Variants in DLG2 observed in about 807,000 individuals in gnomAD.
DLG2 encodes disks large homolog 2.
A neutral mutation model predicts 132.5 loss-of-function variants in DLG2; 45 were observed. The ratio of observed to expected loss-of-function variants is 0.34; its 90% confidence interval spans 0.27 to 0.44. The LOEUF is 0.44. Ranked by LOEUF, DLG2 falls within the 20% of genes least tolerant of loss-of-function variation. DLG2 has a pLI of 1.00. For synonymous variants in DLG2, 424 were observed against 419.6 expected (o/e 1.01, Z -0.13); for missense variants, 1,045 against 1,196.9 (o/e 0.87, Z 1.87).
At chr11:83,784,120 G>C (rs1363970779) in intron 18 of DLG2, among the ~76,000 whole-genome samples, 2 of 152,126 alleles carry the variant, frequency 1.3e-5, no homozygotes, top group African/African-American at 2.4e-5. Flanking sequence ...CATACTAAAA[G>C]TATGCCAATA....
At chr11:85,506,249 T>G (rs939206944) in intron 3 of DLG2, among the ~76,000 whole-genome samples, 3 of 152,232 alleles carry the variant, frequency 2.0e-5, no homozygotes, top group African/African-American at 7.2e-5. Context: ...ATTTCTTGGC[T>G]TCTGCTAGCT....
At chr11:84,410,606 G>C (rs2098896065) in intron 7 of DLG2, among the ~76,000 whole-genome samples, 1 of 100,448 alleles carries the variant, frequency 1.0e-5, no homozygotes, top group Admixed American at 1.2e-4. Flanking sequence ...TTGAGATGAA[G>C]TTTCGCTTTT....
At chr11:84,860,870 A>AG (rs945445371) in intron 6 of DLG2, among the ~76,000 whole-genome samples, 1 of 151,894 alleles carries the variant, frequency 6.6e-6, no homozygotes, top group South Asian at 2.1e-4. Flanking sequence ...CATGAAAGGA[A>AG]GGGGGGAGGG....
At chr11:85,417,842 A>T (rs931019936) in intron 3 of DLG2, among the ~76,000 whole-genome samples, 2 of 151,806 alleles carry the variant, frequency 1.3e-5, no homozygotes, top group African/African-American at 4.8e-5. Context: ...TTTCTTCTTT[A>T]TTAGTCTGGC....
At chr11:85,511,850 C>G (rs994730249) in intron 3 of DLG2, among the ~76,000 whole-genome samples, 18 of 151,856 alleles carry the variant, frequency 1.2e-4, no homozygotes, top group Admixed American at 9.2e-4. Context: ...TCCCAAATAG[C>G]TAGGACCACA....
At chr11:84,693,944 T>A (rs575967359) in intron 6 of DLG2, among the ~76,000 whole-genome samples, 3 of 151,780 alleles carry the variant, frequency 2.0e-5, no homozygotes, top group South Asian at 2.1e-4. Context: ...CTCCTCTCTA[T>A]GGGTTTTTTG....
chr11:84,409,161 GATTCTGCTCTGAGTGCTTCTCT>G (rs768102785), intron 7 of DLG2, among the ~76,000 whole-genome samples: 2 of 152,152 alleles, frequency 1.3e-5, no homozygotes, highest in Non-Finnish European at 2.9e-5. Context: ...ATATCACCAT[GATTCTGCTCTGAGTGCTTCTCT>G]ATTCTGCTCT....
chr11:83,776,569 C>T (rs2094590528), intron 18 of DLG2, among the ~76,000 whole-genome samples: 1 of 152,224 alleles, frequency 6.6e-6, no homozygotes, highest in Non-Finnish European at 1.5e-5. Flanking sequence ...TTGCCAGCCT[C>T]AGGCCTAAAA....
At chr11:84,577,788 C>T (rs1352553141) in intron 6 of DLG2, among the ~76,000 whole-genome samples, 1 of 152,058 alleles carries the variant, frequency 6.6e-6, no homozygotes, top group Non-Finnish European at 1.5e-5. Flanking sequence ...TATGCAGGAC[C>T]CTAATGTTAA....
chr11:83,951,518 G>A (rs541019187), intron 14 of DLG2, among the ~76,000 whole-genome samples: 9 of 152,264 alleles, frequency 5.9e-5, no homozygotes, highest in African/African-American at 2.2e-4. Flanking sequence ...CTGATAAAAT[G>A]GCTTTTGACC....
At chr11:83,715,309 T>C (rs1356821719) in intron 18 of DLG2, among the ~76,000 whole-genome samples, 1 of 152,362 alleles carries the variant, frequency 6.6e-6, no homozygotes, top group South Asian at 2.1e-4. Flanking sequence ...TAGATTGCAC[T>C]GTGAATAATT....
chr11:84,398,744 T>C (rs1366119484), intron 7 of DLG2, among the ~76,000 whole-genome samples: 1 of 151,006 alleles, frequency 6.6e-6, no homozygotes, highest in Non-Finnish European at 1.5e-5. Flanking sequence ...GAGTTGGTGA[T>C]GGGTTTACAC....
chr11:84,949,955 A>C (rs1297941783), intron 6 of DLG2, among the ~76,000 whole-genome samples: 1 of 152,230 alleles, frequency 6.6e-6, no homozygotes, highest in East Asian at 1.9e-4. Context: ...ACTGCAGTAA[A>C]GACGGGCATA....
At chr11:83,760,504 G>T (rs1414880041) in intron 18 of DLG2, among the ~76,000 whole-genome samples, 2 of 150,556 alleles carry the variant, frequency 1.3e-5, no homozygotes, top group Non-Finnish European at 3.0e-5. Flanking sequence ...ACAGGTGCCT[G>T]CCACCACGCC....
intron 7 of DLG2, among the ~76,000 whole-genome samples, chr11:84,392,003 T>C (rs1016249179): frequency 2.6e-5 from 4 of 152,206 alleles, no homozygotes; most frequent in African/African-American, 9.6e-5. Flanking sequence ...GAATCTCAGC[T>C]TTCTTATCTA....
chr11:85,502,989 T>C (rs934131405), intron 3 of DLG2, among the ~76,000 whole-genome samples: 1 of 151,850 alleles, frequency 6.6e-6, no homozygotes, highest in Non-Finnish European at 1.5e-5. Flanking sequence ...TATATACCAA[T>C]AAAAAATGAA....
intron 4 of DLG2, among the ~76,000 whole-genome samples, chr11:85,162,442 GGGAATACAGAAT>G (rs1389274016): frequency 6.6e-6 from 1 of 152,182 alleles, no homozygotes; most frequent in African/African-American, 2.4e-5. Context: ...TGAAGGCAAA[GGGAATACAGAAT>G]GGTTAGTAGA....
intron 6 of DLG2, among the ~76,000 whole-genome samples, chr11:84,652,932 GTT>G (rs539310938): frequency 2.5e-4 from 34 of 136,058 alleles, no homozygotes; most frequent in Admixed American, 3.7e-4. Flanking sequence ...AATATTGGAG[GTT>G]TTTTTTTTTT....
chr11:85,080,230 C>T (rs560190094), intron 6 of DLG2, among the ~76,000 whole-genome samples: 20 of 151,896 alleles, frequency 1.3e-4, no homozygotes, highest in Admixed American at 1.3e-3. Flanking sequence ...TAAACCAGGT[C>T]CAGTAAGATT....
Sources: gnomAD v4.1 joint callset for allele counts (sites outside exome capture counted in the v4.1 genomes callset) on GRCh38, gnomAD v4.1.1 for gene constraint, MANE v1.5 for transcripts, NCBI Gene and HGNC (gene_info 2026-07-23, HGNC 2026-07-21) for gene names.